NDRG2: variants seen among roughly 807,000 people sequenced by gnomAD.
NDRG2 encodes the protein NDRG family member 2, also known as protein NDRG2.
NDRG2 carries 34 observed loss-of-function variants against 58.2 expected under a neutral mutation model. The ratio of observed to expected loss-of-function variants is 0.58; its 90% confidence interval spans 0.44 to 0.78. The LOEUF (loss-of-function observed/expected upper bound fraction) is 0.78. Among genes scored for constraint, NDRG2 ranks in the 30% least tolerant of loss-of-function variants. The pLI, the probability that NDRG2 is intolerant of heterozygous loss-of-function variation, is 0.00. For missense variants in NDRG2, 434 were observed against 471.2 expected (o/e 0.92, Z 0.73); for synonymous variants, 187 against 175.9 (o/e 1.06, Z -0.50).
intron 1 of NDRG2, chr14:21,031,256 T>C (rs991074616): frequency 3.1e-5 from 47 of 1,496,638 alleles, no homozygotes; most frequent in Non-Finnish European, 3.7e-5. Flanking sequence ...TGTGTGACTG[T>C]AGAGACAGGG....
chr14:21,070,193 T>C lies in NDRG2; in HGVS notation c.24+635A>G, dbSNP rs1422756338. 2.8e-5 allele frequency: 8 copies of C among 282,760 alleles called. No homozygotes were observed. The highest frequency in any genetic ancestry group is 4.6e-5 in the Non-Finnish European group (8 of 174,540). The allele number at this position is 282,760 out of a possible 1,614,324, so 17.5% of individuals were successfully genotyped here. On this transcript the variant is annotated intron_variant, in intron 1 of 14. Coordinates refer to the NDRG2 transcript ENST00000403829. This position sits in a 1 kb window ranked among gnomAD's most constrained non-coding sequence, Gnocchi z 4.7. ...CCCGCGCGGAGGCGGGGGCGGGCGCTGAAGGGCGGGGCGGGGAGGGGCGGC... is the reference window on the plus strand; with the variant it reads ...CCCGCGCGGAGGCGGGGGCGGGCGCCGAAGGGCGGGGCGGGGAGGGGCGGC...
At chr14:21,069,696 G>T (rs1315132949) in intron 1 of NDRG2, among the ~76,000 whole-genome samples, 2 of 152,240 alleles carry the variant, frequency 1.3e-5, no homozygotes, top group East Asian at 3.9e-4. Context: ...CCGAGGAGAT[G>T]GAGGGAAAGG....
At chr14:21,051,112 C>T (rs897181000) in intron 1 of NDRG2, among the ~76,000 whole-genome samples, 1 of 152,146 alleles carries the variant, frequency 6.6e-6, no homozygotes, top group African/African-American at 2.4e-5. Flanking sequence ...TTTGTGTACC[C>T]TCTGCACACA....
intron 6 of NDRG2, chr14:21,021,525 C>T: frequency 2.3e-6 from 1 of 428,300 alleles, no homozygotes. Flanking sequence ...TATGTCACCC[C>T]CTTTCATTCC....
At chr14:21,063,112 G>T (rs369905009) in intron 1 of NDRG2, among the ~76,000 whole-genome samples, 2 of 151,914 alleles carry the variant, frequency 1.3e-5, no homozygotes, top group South Asian at 2.1e-4. Flanking sequence ...GCTGGGCAAC[G>T]GAGCGAGACC....
chr14:21,022,031 T>G, intron 5 of NDRG2, 31 bp downstream of exon 5: 1 of 1,614,052 alleles, frequency 6.2e-7, no homozygotes, highest in Non-Finnish European at 8.5e-7. Context: ...TTCCTCACAG[T>G]CTGGTGAAGC....
chr14:21,032,401 T>C (rs375409335), intron 1 of NDRG2: 1 of 457,526 alleles, frequency 2.2e-6, no homozygotes. Flanking sequence ...CTACTACTTG[T>C]GTTCACACAT....
rs773349915 is a variant in NDRG2, at chr14:21,018,243, T to C, written c.862-4A>G. 5.0e-6 allele frequency: 8 copies of C among 1,613,642 alleles called. No homozygotes were observed. Among genetic ancestry groups the C allele is most frequent in the Non-Finnish European group, 5.9e-6 (7 of 1,180,004 alleles). ...GCTGACCTCCGGAGTCAGCCATCTG[T>C]TCAGGAGAGCACCACCCAGAAAAAG... On this transcript the variant is annotated splice_region_variant and splice_polypyrimidine_tract_variant and intron_variant, in intron 13 of 15. Coordinates refer to ENST00000556147, the MANE Select transcript of NDRG2 (RefSeq NM_001320329.2).
intron 6 of NDRG2, 102 bp from the exon 7 acceptor site, chr14:21,020,946 C>T: frequency 1.5e-6 from 2 of 1,315,356 alleles, no homozygotes; most frequent in Non-Finnish European, 2.2e-6. Flanking sequence ...AGTCCACGGG[C>T]ACAAAGAAAG....
Position 21,023,335 on chromosome 14 carries a change from G to A in NDRG2, c.-6-14C>T. On this transcript the variant is annotated splice_polypyrimidine_tract_variant and intron_variant, in intron 1 of 15. Coordinates refer to ENST00000556147, the MANE Select transcript of NDRG2 (RefSeq NM_001320329.2). ...CGCCATGGTGGCCTGGCAGGATGAG[G>A]AAATGAGACTGGGAAGTTGTCTCTA... The A allele has an allele frequency of 5.0e-6, 8 of 1,608,970 alleles. No individual in the cohort carries two copies. Among genetic ancestry groups the A allele is most frequent in the Non-Finnish European group, 6.8e-6 (8 of 1,177,190 alleles).
At position 21,070,432 on chromosome 14, in the gene NDRG2, T is replaced by C; in HGVS notation, c.24+396A>G. Reference sequence around the variant, plus strand: ...CAGCGTCGCAGCCCCCTGGGTCCCCTCGGCCTTCGCGCAGCCCGCTCCGGG... The same window carrying C: ...CAGCGTCGCAGCCCCCTGGGTCCCCCCGGCCTTCGCGCAGCCCGCTCCGGG... On this transcript the variant is annotated intron_variant, in intron 1 of 14. Transcript: ENST00000403829. This position sits in a 1 kb window ranked among gnomAD's most constrained non-coding sequence, Gnocchi z 4.7. The C allele has an allele frequency of 1.4e-6, 2 of 1,393,650 alleles. No individual in the cohort carries two copies. Among genetic ancestry groups the C allele is most frequent in the South Asian group, 1.6e-5 (1 of 61,424 alleles). 86.3% of individuals were successfully genotyped at this position (1,393,650 alleles called of 1,614,324 possible). A position where few individuals can be genotyped will look rare whatever the true frequency, so the allele number is the denominator to read the frequency against.
chr14:21,025,785 A>T (rs1883522978), upstream of NDRG2: 1 of 701,266 alleles, frequency 1.4e-6, no homozygotes, highest in Non-Finnish European at 1.7e-6. The surrounding 1 kb of genome is among the most constrained non-coding windows in gnomAD (Gnocchi z 5.1). Context: ...CGCTATAAAT[A>T]GAGGGCGATC....
rs1282204433 is a variant in NDRG2 at position 21,057,780 on chromosome 14, T to A, written c.24+13048A>T. On this transcript the variant is annotated intron_variant, in intron 1 of 14. Transcript: ENST00000403829. ...CAATATCTTAGGCTGCACATTGCCC[T>A]GCAATAACTGGCTTAGGGTATGAAA... 6 of 872,764 alleles carry A rather than the reference T, an allele frequency of 6.9e-6. No individual in the cohort carries two copies. The African/African-American group carries it at 1.0e-4, about 15-fold the overall frequency. The allele number at this position is 872,764 out of a possible 1,614,324, so 54.1% of individuals were successfully genotyped here. A position where few individuals can be genotyped will look rare whatever the true frequency, so the allele number is the denominator to read the frequency against.
intron 1 of NDRG2, chr14:21,031,828 T>A: frequency 6.5e-7 from 1 of 1,544,922 alleles, no homozygotes; most frequent in African/African-American, 1.4e-5. Context: ...TCGGGCCATC[T>A]TTGGGGAAGG....
At chr14:21,042,844 G>C in intron 1 of NDRG2, 1 of 660,844 alleles carries the variant, frequency 1.5e-6, no homozygotes, top group South Asian at 2.0e-5. Flanking sequence ...AAGAGGCAGA[G>C]ATGAGACACA....
In NDRG2 at chr14:21,020,779, C is replaced by T. The variant is rs745832795; in HGVS notation, c.468+5G>A. On this transcript the variant is annotated splice_donor_5th_base_variant and intron_variant, in intron 7 of 15. Coordinates refer to ENST00000556147, the MANE Select transcript of NDRG2 (RefSeq NM_001320329.2). Reference sequence around the variant, plus strand: ...TTTCCCTCCTCTGGGCTTTTTATTTCTTACAGCATATCTCGCCAGGATGTA... The same window carrying T: ...TTTCCCTCCTCTGGGCTTTTTATTTTTTACAGCATATCTCGCCAGGATGTA... The T allele has an allele frequency of 6.2e-7, 1 of 1,614,084 alleles. No homozygotes were observed. Among genetic ancestry groups the T allele is most frequent in the East Asian group, 2.2e-5 (1 of 44,888 alleles).
Position 21,018,307 on chromosome 14 carries a change from G to A in NDRG2, c.862-68C>T, listed in dbSNP as rs183421573. On this transcript the variant is annotated intron_variant, in intron 13 of 15. Coordinates refer to ENST00000556147, the MANE Select transcript of NDRG2 (RefSeq NM_001320329.2). ...AATGAGCCATGCAGAGAGGTGGAAA[G>A]GGTCTCTCTTCCCTAGCTTCTTCAC... 943 of 1,609,758 alleles carry A rather than the reference G, an allele frequency of 5.9e-4. 9 individuals carry two copies. In the East Asian group the frequency reaches 0.018, roughly 31 times the overall value.
At chr14:21,025,522 AC>A (rs1883435181), upstream of NDRG2, 1 of 985,262 alleles carries the variant, frequency 1.0e-6, no homozygotes. The surrounding 1 kb of genome is among the most constrained non-coding windows in gnomAD (Gnocchi z 5.1). Flanking sequence ...AACACAGAGA[AC>A]TAGATTAAGA....
upstream of NDRG2, chr14:21,025,235 G>C (rs1883292468): frequency 1.8e-5 from 15 of 839,810 alleles, no homozygotes; most frequent in South Asian, 4.3e-4. The surrounding 1 kb of genome is among the most constrained non-coding windows in gnomAD (Gnocchi z 5.1). Flanking sequence ...GCTGGGGCCG[G>C]GGGGCGAGGG....
Sources: gnomAD v4.1 joint callset for allele counts (sites outside exome capture counted in the v4.1 genomes callset) on GRCh38, gnomAD v4.1.1 for gene constraint, Gnocchi (gnomAD v3.1) non-coding constraint, MANE v1.5 for transcripts, NCBI Gene and HGNC (gene_info 2026-07-23, HGNC 2026-07-21) for gene names.